The following CTBP2 variants were observed in gnomAD, a reference collection of about 807,000 sequenced individuals.
CTBP2 encodes the protein C-terminal-binding protein 2.
In CTBP2, 30 loss-of-function variants were observed where a neutral mutation model predicts 80.3. The observed-to-expected ratio is 0.37, with a 90% confidence interval of 0.28 to 0.51. CTBP2 has a LOEUF of 0.51. Ranked by LOEUF, CTBP2 falls within the 20% of genes least tolerant of loss-of-function variation. CTBP2 has a pLI of 0.93. For missense variants in CTBP2, 1,212 were observed against 1,375.3 expected (o/e 0.88, Z 1.88); for synonymous variants, 594 against 587.4 (o/e 1.01, Z -0.16).
chr10:125,049,187 G>A (rs541733012), intron 2 of CTBP2, among the ~76,000 whole-genome samples: 4 of 152,242 alleles, frequency 2.6e-5, no homozygotes, highest in African/African-American at 7.2e-5. Context: ...GTACCTGACA[G>A]TTTCTGGTTG....
intron 8 of CTBP2, among the ~76,000 whole-genome samples, chr10:124,991,727 C>T (rs1247272282): frequency 6.6e-6 from 1 of 152,114 alleles, no homozygotes; most frequent in African/African-American, 2.4e-5. Context: ...CAGGCCAGGC[C>T]TCCTACGAGA....
intron 1 of CTBP2, among the ~76,000 whole-genome samples, chr10:125,144,402 G>A (rs1858380428): frequency 6.6e-6 from 1 of 152,176 alleles, no homozygotes; most frequent in African/African-American, 2.4e-5. Flanking sequence ...GGAAATAATC[G>A]CACTGCCTCA....
At chr10:124,990,870 G>A (rs560493736) in intron 8 of CTBP2, among the ~76,000 whole-genome samples, 24 of 152,362 alleles carry the variant, frequency 1.6e-4, no homozygotes, top group African/African-American at 5.8e-4. Context: ...GCCGTCACCA[G>A]AACCTGACCA....
At chr10:125,161,556 G>A (rs2133565968), upstream of CTBP2, among the ~76,000 whole-genome samples, 1 of 152,156 alleles carries the variant, frequency 6.6e-6, no homozygotes, top group South Asian at 2.1e-4. Flanking sequence ...GGGGTCAGGC[G>A]CGGGCCGGCC....
At position 124,984,603 on chromosome 10, in the gene CTBP2, G is replaced by A. The variant is rs1040884288; in HGVS notation, c.*4915C>T. The A allele has an allele frequency of 1.3e-5, 8 of 621,498 alleles. No individual in the cohort carries two copies. The African/African-American group carries it at 1.5e-4, about 11-fold the overall frequency. 38.5% of individuals were successfully genotyped at this position (621,498 alleles called of 1,614,324 possible). On this transcript the variant is annotated 3_prime_UTR_variant, in exon 9 of 9. Transcript: ENST00000309035. ...TTATGTCTTTTTAAATTTAACCAGAGCAAACTGGACTTTAATCACAAAACT... is the reference window on the plus strand; with the variant it reads ...TTATGTCTTTTTAAATTTAACCAGAACAAACTGGACTTTAATCACAAAACT...
intron 1 of CTBP2, among the ~76,000 whole-genome samples, chr10:125,024,162 T>C (rs577598514): frequency 1.8e-4 from 27 of 152,350 alleles, no homozygotes; most frequent in African/African-American, 5.0e-4. Context: ...CTGTGGAACC[T>C]ACTGTACAAA....
At chr10:125,052,467 T>C (rs1373723411) in intron 2 of CTBP2, among the ~76,000 whole-genome samples, 8 of 152,290 alleles carry the variant, frequency 5.3e-5, no homozygotes, top group African/African-American at 1.7e-4. Flanking sequence ...TTATTTCCCT[T>C]AAGCTGTTTT....
rs1846330197 is a variant in CTBP2, at chr10:125,076,752, G to A, written c.-102+34238C>T. Among the ~76,000 whole-genome samples, 4 of 152,296 alleles carry A rather than the reference G, an allele frequency of 2.6e-5. No individual in the cohort carries two copies. In the South Asian group the frequency reaches 8.3e-4, roughly 32 times the overall value. On this transcript the variant is annotated intron_variant, in intron 2 of 10. Transcript: ENST00000337195. ...AAAAACAGAAACTGAGTTGTAGCAG[G>A]GGTTAACAATTTTATATCCACTCTG...
chr10:125,058,000 C>T (rs1201524126), intron 2 of CTBP2, among the ~76,000 whole-genome samples: 3 of 152,172 alleles, frequency 2.0e-5, no homozygotes, highest in African/African-American at 7.2e-5. Context: ...ATGCCATCAA[C>T]GAGCTGGGTG....
At chr10:125,091,786 C>T (rs535883660) in intron 2 of CTBP2, among the ~76,000 whole-genome samples, 3 of 152,006 alleles carry the variant, frequency 2.0e-5, no homozygotes, top group Non-Finnish European at 4.4e-5. Flanking sequence ...AACAAAAAAA[C>T]CCAAACATAT....
rs1210948868 is a variant in CTBP2 at position 124,987,176 on chromosome 10, A to T, written c.*2342T>A. On this transcript the variant is annotated 3_prime_UTR_variant, in exon 9 of 9. Coordinates refer to ENST00000309035, the MANE Select transcript of CTBP2 (RefSeq NM_022802.3). ...ATGCTCTTGAACTATTAAAACAGCC[A>T]TAATTATTGTCCCAAGATAGAATAT... 6.7e-6 allele frequency: 1 copy of T among 149,792 alleles called. No individual in the cohort carries two copies. Among genetic ancestry groups the T allele is most frequent in the Non-Finnish European group, 1.5e-5 (1 of 67,418 alleles). The allele number at this position is 149,792 out of a possible 1,614,324, so 9.3% of individuals were successfully genotyped here.
intron 1 of CTBP2, among the ~76,000 whole-genome samples, chr10:125,151,117 T>C (rs1859772044): frequency 6.6e-6 from 1 of 152,126 alleles, no homozygotes; most frequent in Non-Finnish European, 1.5e-5. Flanking sequence ...CTCTAGTTAC[T>C]TGAATAACAG....
intron 1 of CTBP2, among the ~76,000 whole-genome samples, chr10:125,007,798 A>G (rs1045352661): frequency 6.6e-6 from 1 of 152,202 alleles, no homozygotes; most frequent in Non-Finnish European, 1.5e-5. Context: ...AGAAATTCTC[A>G]TTATTTAAAA....
At position 125,149,772 on chromosome 10, in the gene CTBP2, A is replaced by G. The variant is rs372348226; in HGVS notation, c.-206+10547T>C. 1.1e-4 allele frequency among the ~76,000 whole-genome samples: 16 copies of G among 152,346 alleles called. No homozygotes were observed. In the East Asian group the frequency reaches 1.9e-3, roughly 18 times the overall value. The stretch of plus-strand genomic sequence containing the variant: ...TTACCCTCTATGGAAAGCCAAGGTC[A>G]ACCTGGGAGCTCCCGCATCACCTGC... On this transcript the variant is annotated intron_variant, in intron 1 of 10. Transcript: ENST00000337195.
intron 1 of CTBP2, among the ~76,000 whole-genome samples, chr10:125,114,127 T>C (rs1852770639): frequency 6.6e-6 from 1 of 152,248 alleles, no homozygotes; most frequent in Non-Finnish European, 1.5e-5. Context: ...TCCAGGAGTA[T>C]ACAACGAGAC....
chr10:125,048,161 G>A (rs1001030888), intron 2 of CTBP2, among the ~76,000 whole-genome samples: 2 of 151,972 alleles, frequency 1.3e-5, no homozygotes, highest in South Asian at 2.1e-4. Context: ...AAACCCCCAC[G>A]TGGGCTGACC....
chr10:125,145,617 G>A (rs1238102086), intron 1 of CTBP2, among the ~76,000 whole-genome samples: 1 of 152,072 alleles, frequency 6.6e-6, no homozygotes, highest in African/African-American at 2.4e-5. Context: ...GTTGACGGGA[G>A]GATTTGTCTT....
chr10:125,006,027 G>T lies in CTBP2; in HGVS notation c.1679-2535C>A, dbSNP rs1955199695. 3 of 1,411,740 alleles carry T rather than the reference G, an allele frequency of 2.1e-6. No homozygotes were observed. In the African/African-American group the frequency reaches 4.3e-5, roughly 20 times the overall value. The allele number at this position is 1,411,740 out of a possible 1,614,324, so 87.5% of individuals were successfully genotyped here. On this transcript the variant is annotated intron_variant, in intron 1 of 8. Transcript: ENST00000309035. ...GGCCATTGTCACAAGATGTCCATCCGCAGCATCATCAGTGCATGGATCCGT... is the reference window on the plus strand; with the variant it reads ...GGCCATTGTCACAAGATGTCCATCCTCAGCATCATCAGTGCATGGATCCGT...
At chr10:125,071,845 C>A (rs1845530877) in intron 2 of CTBP2, among the ~76,000 whole-genome samples, 1 of 152,070 alleles carries the variant, frequency 6.6e-6, no homozygotes. Flanking sequence ...GCAAATGCTG[C>A]AGATTAAGAA....
Sources: gnomAD v4.1 joint callset for allele counts (sites outside exome capture counted in the v4.1 genomes callset) on GRCh38, gnomAD v4.1.1 for gene constraint, MANE v1.5 for transcripts, NCBI Gene and HGNC (gene_info 2026-07-23, HGNC 2026-07-21) for gene names.